LPP: variants seen among roughly 807,000 people sequenced by gnomAD.
LPP encodes LIM domain containing preferred translocation partner in lipoma.
Under a neutral mutation model 60.4 loss-of-function variants are expected in LPP, and 38 were observed. The observed-to-expected ratio is 0.63, with a 90% confidence interval of 0.49 to 0.83. The LOEUF is 0.83. Ranked by LOEUF, LPP falls within the 40% of genes least tolerant of loss-of-function variation. The pLI, the probability that LPP is intolerant of heterozygous loss-of-function variation, is 0.00. For missense variants in LPP, 902 were observed against 783.6 expected (o/e 1.15, Z -1.80); for synonymous variants, 328 against 290.8 (o/e 1.13, Z -1.30).
intron 4 of LPP, among the ~76,000 whole-genome samples, chr3:188,444,131 T>A (rs1419006677): frequency 2.0e-5 from 3 of 152,348 alleles, no homozygotes; most frequent in Admixed American, 2.0e-4. Flanking sequence ...TCAGATATTT[T>A]TCACTTCTTG....
At chr3:188,384,759 C>T (rs1777796258) in intron 3 of LPP, among the ~76,000 whole-genome samples, 1 of 94,520 alleles carries the variant, frequency 1.1e-5, no homozygotes, top group African/African-American at 3.6e-5. Context: ...CACTGCACTC[C>T]AGCCTGGGCG....
At chr3:188,412,189 G>A (rs569893774) in intron 4 of LPP, among the ~76,000 whole-genome samples, 1 of 152,050 alleles carries the variant, frequency 6.6e-6, no homozygotes, top group African/African-American at 2.4e-5. Context: ...AAATTGGCAT[G>A]ACATGCCAGT....
chr3:188,541,592 T>C (rs1011472794), intron 6 of LPP, among the ~76,000 whole-genome samples: 4 of 152,014 alleles, frequency 2.6e-5, no homozygotes, highest in African/African-American at 9.7e-5. Context: ...CCTGCCATTC[T>C]GTCTTTCAGA....
rs146810630 is a variant in LPP at position 188,238,605 on chromosome 3, A to T, written c.-67+13078A>T. On this transcript the variant is annotated intron_variant, in intron 2 of 11. Transcript: ENST00000617246. ...GGGAGATGGGAGGGTCCAAGGAGAGACGTGGGAATGGCTGGTCAGTGGAGC... is the reference window on the plus strand; with the variant it reads ...GGGAGATGGGAGGGTCCAAGGAGAGTCGTGGGAATGGCTGGTCAGTGGAGC... Among the ~76,000 whole-genome samples the T allele has an allele frequency of 5.1e-4, 77 of 152,258 alleles. No homozygotes were observed. In the East Asian group the frequency reaches 0.013, roughly 25 times the overall value.
chr3:188,609,605 A>T lies in LPP; in HGVS notation c.874A>T (p.Asn292Tyr), dbSNP rs781254226. 6.2e-7 allele frequency: 1 copy of T among 1,614,164 alleles called. No individual in the cohort carries two copies. Among genetic ancestry groups the T allele is most frequent in the Admixed American group, 1.7e-5 (1 of 60,014 alleles). The change falls in exon 7 of 12, where the codon AAC becomes TAC. Residue 292 changes from asparagine to tyrosine, a missense_variant. Coordinates refer to ENST00000617246, the MANE Select transcript of LPP (RefSeq NM_001375462.1). The surrounding 1 kb of genome is among the most constrained non-coding windows in gnomAD (Gnocchi z 6.9). ...GGAGCCTGGGTATGGGTATGCCCCC[A>T]ACCAGGGACGCTATTATGAAGGCTA... ...QPEPGYGYAPNQGRYYEGYYA... is the reference protein window; with the variant it reads ...QPEPGYGYAPYQGRYYEGYYA...
At chr3:188,825,851 GCA>G (rs1306461938) in intron 9 of LPP, among the ~76,000 whole-genome samples, 1 of 152,024 alleles carries the variant, frequency 6.6e-6, no homozygotes, top group African/African-American at 2.4e-5. Flanking sequence ...CTTGACTGAG[GCA>G]CAGAGATGTC....
chr3:188,720,371 T>G (rs1393910357), intron 8 of LPP, among the ~76,000 whole-genome samples: 1 of 152,200 alleles, frequency 6.6e-6, no homozygotes, highest in Non-Finnish European at 1.5e-5. Flanking sequence ...AGGGCTTTGA[T>G]AGAGAACAGA....
At chr3:188,243,213 G>A (rs1356299024) in intron 2 of LPP, among the ~76,000 whole-genome samples, 1 of 152,118 alleles carries the variant, frequency 6.6e-6, no homozygotes, top group Non-Finnish European at 1.5e-5. Context: ...CTAGAAACTT[G>A]ATTTTTTCTG....
chr3:188,233,119 C>T (rs1720674668), intron 2 of LPP, among the ~76,000 whole-genome samples: 1 of 152,142 alleles, frequency 6.6e-6, no homozygotes, highest in Non-Finnish European at 1.5e-5. Flanking sequence ...TTTCATGTTT[C>T]CTGAATAATT....
At chr3:188,377,747 G>A (rs562881352) in intron 3 of LPP, among the ~76,000 whole-genome samples, 22 of 152,330 alleles carry the variant, frequency 1.4e-4, no homozygotes, top group African/African-American at 4.8e-4. Context: ...CATTGCTGGT[G>A]AGGAGCTGTG....
chr3:188,495,232 A>G (rs1394121120), intron 5 of LPP, among the ~76,000 whole-genome samples: 1 of 144,870 alleles, frequency 6.9e-6, no homozygotes, highest in Non-Finnish European at 1.5e-5. Flanking sequence ...CAGAAGAAAT[A>G]CTCCCACAAA....
intron 10 of LPP, among the ~76,000 whole-genome samples, chr3:188,868,649 C>T (rs1317322110): frequency 6.6e-6 from 1 of 152,086 alleles, no homozygotes; most frequent in Non-Finnish European, 1.5e-5. Context: ...TACTAGAATA[C>T]AAAGCAGCTA....
intron 9 of LPP, among the ~76,000 whole-genome samples, chr3:188,830,167 TAC>T (rs1756754414): frequency 6.6e-6 from 1 of 151,962 alleles, no homozygotes. Flanking sequence ...GTAATTTCCA[TAC>T]ACACCAAACA....
intron 8 of LPP, among the ~76,000 whole-genome samples, chr3:188,733,639 A>G (rs1721452217): frequency 6.6e-6 from 1 of 152,102 alleles, no homozygotes; most frequent in Non-Finnish European, 1.5e-5. Flanking sequence ...ATGTGTGGTT[A>G]TTGCTAGTTT....
chr3:188,407,767 G>GGTTTTTTGT (rs1473975005), intron 4 of LPP, among the ~76,000 whole-genome samples: 1 of 84,698 alleles, frequency 1.2e-5, no homozygotes, highest in Non-Finnish European at 2.4e-5. Flanking sequence ...CCTCATTTAT[G>GGTTTTTTGT]GTTTTTTTTT....
intron 5 of LPP, among the ~76,000 whole-genome samples, chr3:188,498,825 T>C (rs1458197869): frequency 2.0e-5 from 3 of 152,198 alleles, no homozygotes; most frequent in Non-Finnish European, 4.4e-5. Flanking sequence ...CTGTTTTTTG[T>C]CTCGATAATA....
At chr3:188,332,557 A>C (rs1274690705) in intron 2 of LPP, among the ~76,000 whole-genome samples, 1 of 152,214 alleles carries the variant, frequency 6.6e-6, no homozygotes, top group Non-Finnish European at 1.5e-5. Context: ...TTTTGAGTAC[A>C]TACTAAAGAC....
intron 8 of LPP, among the ~76,000 whole-genome samples, chr3:188,716,956 C>T (rs1714259101): frequency 6.6e-6 from 1 of 152,190 alleles, no homozygotes; most frequent in Non-Finnish European, 1.5e-5. Context: ...TTTCAACTAA[C>T]ATTTATATAA....
Position 188,877,672 on chromosome 3 carries a change from C to T in LPP, c.*3193C>T, listed in dbSNP as rs1769408268. The T allele has an allele frequency of 5.4e-6, 1 of 186,260 alleles. No homozygotes were observed. The highest frequency in any genetic ancestry group is 1.1e-5 in the Non-Finnish European group (1 of 88,142). The allele number at this position is 186,260 out of a possible 1,614,324, so 11.5% of individuals were successfully genotyped here. ...ACCAGCCTGGGCAACATAGTGAGACCTTGTCTCTACAAAAAATAAAATAAA... is the reference window on the plus strand; with the variant it reads ...ACCAGCCTGGGCAACATAGTGAGACTTTGTCTCTACAAAAAATAAAATAAA... On this transcript the variant is annotated 3_prime_UTR_variant, in exon 12 of 12. Transcript: ENST00000617246.
Sources: gnomAD v4.1 joint callset for allele counts (sites outside exome capture counted in the v4.1 genomes callset) on GRCh38, gnomAD v4.1.1 for gene constraint, Gnocchi (gnomAD v3.1) non-coding constraint, MANE v1.5 for transcripts, NCBI Gene and HGNC (gene_info 2026-07-23, HGNC 2026-07-21) for gene names.